Variants in SENP7 observed in about 807,000 individuals in gnomAD.
SENP7 encodes the protein sentrin-specific protease 7.
A neutral mutation model predicts 141.2 loss-of-function variants in SENP7; 64 were observed. The ratio of observed to expected loss-of-function variants is 0.45; its 90% confidence interval spans 0.37 to 0.56. SENP7 has a LOEUF of 0.56. Ranked by LOEUF, SENP7 falls within the 20% of genes least tolerant of loss-of-function variation. SENP7 has a pLI of 0.00. For synonymous variants in SENP7, 382 were observed against 426.4 expected (o/e 0.90, Z 1.28); for missense variants, 1,025 against 1,212.2 (o/e 0.85, Z 2.29).
At chr3:101,348,140 C>A (rs1189930382) in intron 12 of SENP7, 89 bp from the exon 13 acceptor site, 9 of 763,548 alleles carry the variant, frequency 1.2e-5, no homozygotes, top group African/African-American at 1.9e-5. Context: ...TAATACACTA[C>A]TTTTTTTAAA....
rs771559310 is a variant in SENP7 at position 101,365,491 on chromosome 3, C to G, written c.1319-500G>C. Among the ~76,000 whole-genome samples, 23 of 151,302 alleles carry G rather than the reference C, an allele frequency of 1.5e-4. 1 individual carries two copies. Among genetic ancestry groups the G allele is most frequent in the Non-Finnish European group, 2.7e-4 (18 of 67,766 alleles). ...TCTCTAGCAAAAATACAAAAATTAG[C>G]CGGGCATGGTGGTACATGCCTATAA... On this transcript the variant is annotated intron_variant, in intron 9 of 23. Coordinates refer to ENST00000394095, the MANE Select transcript of SENP7 (RefSeq NM_020654.5).
At chr3:101,361,219 C>G (rs34501037) in intron 11 of SENP7, among the ~76,000 whole-genome samples, 124 of 145,662 alleles carry the variant, frequency 8.5e-4, no homozygotes, top group East Asian at 5.8e-3. Flanking sequence ...TCCGCCCCCC[C>G]AAAAAAAAAA....
intron 3 of SENP7, among the ~76,000 whole-genome samples, chr3:101,465,491 G>A (rs1181157840): frequency 1.3e-5 from 2 of 152,144 alleles, no homozygotes; most frequent in African/African-American, 4.8e-5. Flanking sequence ...CCTCACCATG[G>A]CTGCCATTAA....
At chr3:101,428,154 C>T (rs1039547650) in intron 4 of SENP7, among the ~76,000 whole-genome samples, 7 of 152,230 alleles carry the variant, frequency 4.6e-5, no homozygotes, top group African/African-American at 1.7e-4. Context: ...CTGCAATAAA[C>T]ATACATGTGC....
At chr3:101,335,131 G>A (rs1307926217) in intron 17 of SENP7, among the ~76,000 whole-genome samples, 2 of 152,164 alleles carry the variant, frequency 1.3e-5, no homozygotes, top group Non-Finnish European at 1.5e-5. Context: ...TTTTTTAAAT[G>A]CCAGGATAAG....
At chr3:101,463,783 C>T (rs187979320) in intron 3 of SENP7, among the ~76,000 whole-genome samples, 30 of 151,948 alleles carry the variant, frequency 2.0e-4, no homozygotes, top group Admixed American at 3.3e-4. Flanking sequence ...GTTGAAATTA[C>T]CAGAAAAAAA....
At chr3:101,343,068 C>T (rs1027625326) in intron 14 of SENP7, among the ~76,000 whole-genome samples, 3 of 152,080 alleles carry the variant, frequency 2.0e-5, no homozygotes, top group African/African-American at 2.4e-5. Context: ...GAAAGAACAC[C>T]ACAGAAGTGA....
intron 3 of SENP7, among the ~76,000 whole-genome samples, chr3:101,492,920 G>A: frequency 6.6e-6 from 1 of 152,076 alleles, no homozygotes; most frequent in Middle Eastern, 3.2e-3. Context: ...GAGCCCAGGA[G>A]TTCAAGGATT....
chr3:101,346,067 A>T (rs1484330869), intron 13 of SENP7, among the ~76,000 whole-genome samples: 1 of 152,218 alleles, frequency 6.6e-6, no homozygotes, highest in Admixed American at 6.5e-5. Context: ...TCAAACATTA[A>T]TTAGCAAGAA....
intron 6 of SENP7, among the ~76,000 whole-genome samples, chr3:101,387,369 C>G (rs2060687564): frequency 6.6e-6 from 1 of 152,036 alleles, no homozygotes; most frequent in Admixed American, 6.5e-5. Flanking sequence ...ACAGGCCCAC[C>G]CCACCCACCA....
intron 6 of SENP7, among the ~76,000 whole-genome samples, chr3:101,374,504 C>A (rs2060265152): frequency 6.6e-6 from 1 of 151,830 alleles, no homozygotes; most frequent in African/African-American, 2.4e-5. Flanking sequence ...GCCTGTAATC[C>A]CAGCTACTCG....
At chr3:101,450,717 T>C (rs905115010) in intron 4 of SENP7, among the ~76,000 whole-genome samples, 1 of 152,144 alleles carries the variant, frequency 6.6e-6, no homozygotes, top group Non-Finnish European at 1.5e-5. Context: ...CAAAGCAGTG[T>C]GTAGAGGGAA....
intron 1 of SENP7, among the ~76,000 whole-genome samples, chr3:101,510,268 G>T (rs4479567): frequency 0.4 from 60,371 of 151,946 alleles, 12,503 homozygotes; most frequent in Admixed American, 0.54. Flanking sequence ...GCTTTAAATG[G>T]TATAGTTATC....
At chr3:101,341,991 C>T (rs1431703823) in intron 14 of SENP7, among the ~76,000 whole-genome samples, 1 of 152,054 alleles carries the variant, frequency 6.6e-6, no homozygotes, top group Non-Finnish European at 1.5e-5. Flanking sequence ...ACTTGAAGTA[C>T]TATTTGCAGA....
intron 6 of SENP7, among the ~76,000 whole-genome samples, chr3:101,375,529 C>T (rs1328913999): frequency 9.6e-6 from 1 of 104,258 alleles, no homozygotes; most frequent in African/African-American, 4.0e-5. Flanking sequence ...GCAACAAGAG[C>T]GAAATTCCAT....
chr3:101,382,538 T>C (rs752405942), intron 6 of SENP7, among the ~76,000 whole-genome samples: 2 of 152,236 alleles, frequency 1.3e-5, no homozygotes, highest in Non-Finnish European at 2.9e-5. Context: ...TAGACTTCTT[T>C]ACATTAGCAG....
At chr3:101,444,952 T>C in intron 4 of SENP7, among the ~76,000 whole-genome samples, 1 of 152,014 alleles carries the variant, frequency 6.6e-6, no homozygotes, top group East Asian at 1.9e-4. Flanking sequence ...CCAACTCTTA[T>C]GAGAGACATA....
Position 101,511,913 on chromosome 3 carries a change from G to A in SENP7, c.40+1178C>T, listed in dbSNP as rs1225823170. On this transcript the variant is annotated intron_variant, in intron 1 of 23. Transcript: ENST00000394095. Reference sequence around the variant, plus strand: ...CGGCTCACTGCAAGCTCCGCCTCCCGGGTTCACGCCATTCTCCTGCCTCAG... The same window carrying A: ...CGGCTCACTGCAAGCTCCGCCTCCCAGGTTCACGCCATTCTCCTGCCTCAG... 4.6e-5 allele frequency among the ~76,000 whole-genome samples: 7 copies of A among 152,018 alleles called. 2 individuals carry two copies. Among genetic ancestry groups the A allele is most frequent in the Admixed American group, 4.6e-4 (7 of 15,262 alleles).
chr3:101,359,586 A>G (rs1208208565), intron 11 of SENP7, among the ~76,000 whole-genome samples: 2 of 151,832 alleles, frequency 1.3e-5, no homozygotes, highest in Admixed American at 1.3e-4. Flanking sequence ...TGTTTGTAAT[A>G]GTAAAATATT....
Sources: gnomAD v4.1 joint callset for allele counts (sites outside exome capture counted in the v4.1 genomes callset) on GRCh38, gnomAD v4.1.1 for gene constraint, MANE v1.5 for transcripts, NCBI Gene and HGNC (gene_info 2026-07-23, HGNC 2026-07-21) for gene names.